CNTN5: variants seen among roughly 807,000 people sequenced by gnomAD.
CNTN5 encodes contactin-5.
Under a neutral mutation model 129.1 loss-of-function variants are expected in CNTN5, and 77 were observed. The observed-to-expected ratio is 0.60, with a 90% CI of 0.50 to 0.72. The LOEUF is 0.72. Ranked by LOEUF, CNTN5 falls within the 30% of genes least tolerant of loss-of-function variation. The pLI is 0.00. For synonymous variants in CNTN5, 509 were observed against 465.6 expected (o/e 1.09, Z -1.20); for missense variants, 1,478 against 1,328.8 (o/e 1.11, Z -1.75).
intron 6 of CNTN5, among the ~76,000 whole-genome samples, chr11:99,861,454 C>A (rs1009092252): frequency 1.1e-4 from 16 of 152,134 alleles, no homozygotes; most frequent in African/African-American, 3.6e-4. Flanking sequence ...TACAATGATA[C>A]AAAGAGAAGA....
At chr11:99,598,440 C>CCCTTCCTTCCTT (rs557668024) in intron 3 of CNTN5, among the ~76,000 whole-genome samples, 1 of 118,634 alleles carries the variant, frequency 8.4e-6, no homozygotes, top group African/African-American at 3.4e-5. Flanking sequence ...CTCCCTCCCT[C>CCCTTCCTTCCTT]CCTTCCTTCC....
chr11:100,254,351 G>A (rs1024001417), intron 16 of CNTN5, among the ~76,000 whole-genome samples: 1 of 152,092 alleles, frequency 6.6e-6, no homozygotes, highest in Admixed American at 6.6e-5. Flanking sequence ...TTTAAAAAAT[G>A]AGTACCTTCC....
At chr11:99,446,704 T>C (rs1944087330) in intron 2 of CNTN5, among the ~76,000 whole-genome samples, 1 of 152,212 alleles carries the variant, frequency 6.6e-6, no homozygotes, top group Non-Finnish European at 1.5e-5. Flanking sequence ...GTAGTCTTCT[T>C]TACATTGATA....
intron 1 of CNTN5, among the ~76,000 whole-genome samples, chr11:99,294,389 A>C (rs2135928513): frequency 6.6e-6 from 1 of 152,338 alleles, no homozygotes; most frequent in South Asian, 2.1e-4. Flanking sequence ...CAATTTGAAA[A>C]AGAAATTAGG....
At chr11:99,683,724 G>A (rs1209739250) in intron 3 of CNTN5, among the ~76,000 whole-genome samples, 1 of 151,726 alleles carries the variant, frequency 6.6e-6, no homozygotes, top group Non-Finnish European at 1.5e-5. Context: ...GAAGATAACT[G>A]TTTTAAAATA....
intron 3 of CNTN5, among the ~76,000 whole-genome samples, chr11:99,594,238 G>A (rs1296910026): frequency 1.3e-5 from 2 of 152,170 alleles, no homozygotes; most frequent in African/African-American, 2.4e-5. Flanking sequence ...TAGCATTGTG[G>A]AAAGTAGTGT....
At chr11:100,271,553 G>A (rs926979692) in intron 18 of CNTN5, among the ~76,000 whole-genome samples, 1 of 151,694 alleles carries the variant, frequency 6.6e-6, no homozygotes, top group African/African-American at 2.4e-5. Flanking sequence ...ATTCAATATA[G>A]CATACACTTA....
chr11:99,374,504 A>G (rs916425395), intron 2 of CNTN5, among the ~76,000 whole-genome samples: 1 of 152,068 alleles, frequency 6.6e-6, no homozygotes, highest in African/African-American at 2.4e-5. Context: ...TAACACGGTA[A>G]AACCCCGTCT....
At chr11:99,987,860 A>G (rs1018369749) in intron 8 of CNTN5, among the ~76,000 whole-genome samples, 3 of 152,156 alleles carry the variant, frequency 2.0e-5, no homozygotes, top group Non-Finnish European at 2.9e-5. Flanking sequence ...ATAGTTTTCT[A>G]TTATTTAAAA....
At chr11:99,168,660 G>A (rs1157158980) in intron 1 of CNTN5, among the ~76,000 whole-genome samples, 1 of 152,092 alleles carries the variant, frequency 6.6e-6, no homozygotes, top group Admixed American at 6.6e-5. Context: ...AACTACCTTT[G>A]ATAAGACAAA....
intron 4 of CNTN5, among the ~76,000 whole-genome samples, chr11:99,835,721 G>C (rs1295986514): frequency 6.6e-6 from 1 of 152,146 alleles, no homozygotes; most frequent in Non-Finnish European, 1.5e-5. Context: ...CAAGAATTAA[G>C]TAGAAAGCTA....
At chr11:99,063,667 C>T (rs1864981131) in intron 1 of CNTN5, among the ~76,000 whole-genome samples, 1 of 152,086 alleles carries the variant, frequency 6.6e-6, no homozygotes, top group Non-Finnish European at 1.5e-5. Flanking sequence ...GTCTCCTCCT[C>T]TTGACACTTT....
chr11:100,132,511 G>A (rs1366039136), intron 13 of CNTN5, among the ~76,000 whole-genome samples: 1 of 152,054 alleles, frequency 6.6e-6, no homozygotes, highest in Non-Finnish European at 1.5e-5. Flanking sequence ...CAAATTTTAG[G>A]GGTTTTGAGA....
At chr11:99,595,809 G>A (rs536610411) in intron 3 of CNTN5, among the ~76,000 whole-genome samples, 45 of 152,036 alleles carry the variant, frequency 3.0e-4, no homozygotes, top group African/African-American at 1.1e-3. Context: ...AGAAATGTGT[G>A]ATCTTTATAA....
intron 3 of CNTN5, among the ~76,000 whole-genome samples, chr11:99,754,048 T>C (rs925888885): frequency 1.3e-5 from 2 of 151,630 alleles, no homozygotes; most frequent in Non-Finnish European, 2.9e-5. Context: ...ATACAACACA[T>C]TTATGTGTGA....
chr11:99,409,961 C>T (rs1199832566), intron 2 of CNTN5, among the ~76,000 whole-genome samples: 2 of 152,204 alleles, frequency 1.3e-5, no homozygotes, highest in Non-Finnish European at 2.9e-5. Flanking sequence ...GGCACTTACA[C>T]TTACCATCGC....
chr11:99,191,772 A>G (rs1858655888), intron 1 of CNTN5, among the ~76,000 whole-genome samples: 1 of 151,828 alleles, frequency 6.6e-6, no homozygotes, highest in South Asian at 2.1e-4. Context: ...ACAATAAAAA[A>G]TGGACACACA....
chr11:100,111,322 A>G (rs554364881), intron 13 of CNTN5, among the ~76,000 whole-genome samples: 1 of 152,284 alleles, frequency 6.6e-6, no homozygotes, highest in East Asian at 1.9e-4. Flanking sequence ...GAAAAAATGG[A>G]ATGACAGAGA....
intron 3 of CNTN5, among the ~76,000 whole-genome samples, chr11:99,659,805 G>A (rs2135912385): frequency 6.6e-6 from 1 of 152,310 alleles, no homozygotes; most frequent in South Asian, 2.1e-4. Flanking sequence ...GATACCTTCA[G>A]AGAAATGTAA....
Sources: gnomAD v4.1 joint callset for allele counts (sites outside exome capture counted in the v4.1 genomes callset) on GRCh38, gnomAD v4.1.1 for gene constraint, MANE v1.5 for transcripts, NCBI Gene and HGNC (gene_info 2026-07-23, HGNC 2026-07-21) for gene names.